Variants in NSUN2 observed in about 807,000 individuals in gnomAD.
The protein encoded by NSUN2 is RNA cytosine C(5)-methyltransferase NSUN2.
In NSUN2, 63 loss-of-function variants were observed where a neutral mutation model predicts 92.7. That is an observed-to-expected ratio of 0.68 (90% confidence interval 0.56 to 0.84). The LOEUF is 0.84. NSUN2 is among the 40% of genes least tolerant of loss of function. The pLI is 0.00. For synonymous variants in NSUN2, 356 were observed against 348.3 expected (o/e 1.02, Z -0.25); for missense variants, 989 against 964.9 (o/e 1.02, Z -0.33).
intron 12 of NSUN2, among the ~76,000 whole-genome samples, chr5:6,608,388 C>T (rs974570543): frequency 6.6e-6 from 1 of 152,214 alleles, no homozygotes; most frequent in African/African-American, 2.4e-5. Flanking sequence ...TAACTTCTAG[C>T]CAAGTGCTTA....
At chr5:6,607,064 T>G in intron 13 of NSUN2, 136 bp downstream of exon 13, 2 of 1,014,108 alleles carry the variant, frequency 2.0e-6, no homozygotes, top group Non-Finnish European at 3.0e-6. Context: ...AGTCCAGCCC[T>G]CACACTGCAT....
At chr5:6,632,541 C>T in intron 2 of NSUN2, 58 bp downstream of exon 2, 1 of 1,584,464 alleles carries the variant, frequency 6.3e-7, no homozygotes, top group Admixed American at 1.7e-5. Flanking sequence ...AACACCGTCG[C>T]CTTTAACCTC....
intron 7 of NSUN2, among the ~76,000 whole-genome samples, chr5:6,618,891 C>G (rs747421611): frequency 6.6e-6 from 1 of 152,176 alleles, no homozygotes; most frequent in Non-Finnish European, 1.5e-5. Flanking sequence ...GATGGTCTAG[C>G]CGCGTGTACA....
chr5:6,624,406 A>G (rs529621998), intron 4 of NSUN2, among the ~76,000 whole-genome samples: 3 of 152,266 alleles, frequency 2.0e-5, no homozygotes, highest in South Asian at 2.1e-4. Flanking sequence ...TCAAAAACCT[A>G]TACTAGTTCC....
rs1560975080 is a variant in NSUN2, at chr5:6,609,874, T to C, written c.1275A>G (p.Ala425=). 6.2e-7 allele frequency: 1 copy of C among 1,613,880 alleles called. No individual in the cohort carries two copies. Among genetic ancestry groups the C allele is most frequent in the Admixed American group, 1.7e-5 (1 of 59,966 alleles). The change falls in exon 12 of 19, where the codon GCA becomes GCG. Residue 425 remains alanine, a synonymous_variant. Transcript: ENST00000264670. ...HHQNTGGFFV[A]VLVKKSSMPW... ...GCATTGAAGATTTTTTCACCAATAC[T>C]GCCACAAAAAACCCTCCAGTATTCT...
intron 3 of NSUN2, among the ~76,000 whole-genome samples, chr5:6,630,200 C>G (rs903408443): frequency 2.0e-5 from 3 of 152,242 alleles, no homozygotes; most frequent in African/African-American, 7.2e-5. Context: ...TTCCACTGAT[C>G]TCACTACAGT....
chr5:6,612,885 C>T (rs1459337291), intron 9 of NSUN2, among the ~76,000 whole-genome samples: 4 of 152,224 alleles, frequency 2.6e-5, no homozygotes, highest in Non-Finnish European at 4.4e-5. Context: ...CATGTTGCCC[C>T]TTCTCCAGTA....
At chr5:6,602,947 T>C (rs372855009) in intron 17 of NSUN2, among the ~76,000 whole-genome samples, 3 of 152,374 alleles carry the variant, frequency 2.0e-5, no homozygotes, top group East Asian at 3.9e-4. Flanking sequence ...CTTTATCCTT[T>C]ACAAGAATCT....
At chr5:6,629,795 G>A (rs1406534225) in intron 3 of NSUN2, among the ~76,000 whole-genome samples, 1 of 152,170 alleles carries the variant, frequency 6.6e-6, no homozygotes, top group African/African-American at 2.4e-5. Flanking sequence ...ACAACAGTGA[G>A]TTCGTTCTCA....
chr5:6,610,271 C>T (rs970273786), intron 11 of NSUN2, among the ~76,000 whole-genome samples: 1 of 151,688 alleles, frequency 6.6e-6, no homozygotes, highest in Non-Finnish European at 1.5e-5. Context: ...GAGATGGGGT[C>T]TTGCCATGTC....
At chr5:6,619,108 C>CA (rs1370415966) in intron 7 of NSUN2, among the ~76,000 whole-genome samples, 1 of 151,740 alleles carries the variant, frequency 6.6e-6, no homozygotes, top group African/African-American at 2.4e-5. Flanking sequence ...TCTTTCTGAT[C>CA]AAAAAACAGG....
rs1055285481 is a variant in NSUN2 at position 6,632,745 on chromosome 5, T to C, written c.108A>G (p.Gly36=). The change falls in exon 2 of 19, where the codon GGA becomes GGG. Residue 36 remains glycine, a synonymous_variant. Transcript: ENST00000264670. ...GGKRGEAGWE[G]GYPEIVKENK... is the part of the protein sequence containing the mutation. ...TCTCCTTGACGATCTCGGGGTAGCC[T>C]CCTTCCCAGCCCTGAGGAAGGAAAG... 7 of 1,613,596 alleles carry C rather than the reference T, an allele frequency of 4.3e-6. No individual in the cohort carries two copies. The African/African-American group carries it at 9.4e-5, about 22-fold the overall frequency.
At chr5:6,618,331 AC>A (rs1269771710) in intron 7 of NSUN2, among the ~76,000 whole-genome samples, 1 of 152,254 alleles carries the variant, frequency 6.6e-6, no homozygotes, top group Admixed American at 6.5e-5. Context: ...TAATTTGCAG[AC>A]CTAGGACACA....
intron 17 of NSUN2, chr5:6,603,890 C>T: frequency 2.3e-6 from 1 of 427,100 alleles, no homozygotes; most frequent in Non-Finnish European, 4.2e-6. Flanking sequence ...CACAGACACA[C>T]CACAGGCTGC....
chr5:6,623,418 T>C (rs1321607484), intron 4 of NSUN2, 133 bp from the exon 5 acceptor site: 1 of 690,390 alleles, frequency 1.4e-6, no homozygotes, highest in African/African-American at 1.8e-5. Context: ...GAACTCATAC[T>C]ATCACACAGA....
intron 3 of NSUN2, among the ~76,000 whole-genome samples, chr5:6,629,736 C>T (rs971076665): frequency 1.3e-5 from 2 of 152,122 alleles, no homozygotes; most frequent in Non-Finnish European, 2.9e-5. Flanking sequence ...AAGGGCAGGA[C>T]GAGGTGGAGA....
chr5:6,620,080 G>T lies in NSUN2; in HGVS notation c.815+26C>A, dbSNP rs114619944. 3.2e-3 allele frequency: 4,902 copies of T among 1,516,982 alleles called. 137 individuals carry two copies. The African/African-American group carries it at 0.061, about 19-fold the overall frequency. The allele number at this position is 1,516,982 out of a possible 1,614,324, so 94.0% of individuals were successfully genotyped here. On this transcript the variant is annotated intron_variant, in intron 7 of 18. Transcript: ENST00000264670. The stretch of plus-strand genomic sequence containing the variant: ...TGACTTGATTTCTTTAGTGGATTTG[G>T]GCTTTTTGGCCAATAAGATAAATAC...
At chr5:6,619,696 C>T (rs140924755) in intron 7 of NSUN2, among the ~76,000 whole-genome samples, 8 of 152,290 alleles carry the variant, frequency 5.3e-5, no homozygotes, top group African/African-American at 1.7e-4. Flanking sequence ...AATGTGATTA[C>T]GTATTATTTT....
Position 6,611,077 on chromosome 5 carries a change from C to A in NSUN2, c.1104G>T (p.Thr368=), listed in dbSNP as rs1395934240. 3.7e-6 allele frequency: 6 copies of A among 1,613,994 alleles called. No homozygotes were observed. The highest frequency in any genetic ancestry group is 4.2e-6 in the Non-Finnish European group (5 of 1,180,022). ...MPGITQWKVM[T]KDGQWFTDWD... is the part of the protein sequence containing the mutation. Reference sequence around the variant, plus strand: ...AGTCTGTAAACCACTGCCCATCTTTCGTCATTACCTGCAGAACCACAGGGT... The same window carrying A: ...AGTCTGTAAACCACTGCCCATCTTTAGTCATTACCTGCAGAACCACAGGGT... The change falls in exon 11 of 19, where the codon ACG becomes ACT. Residue 368 remains threonine, a synonymous_variant. Coordinates refer to ENST00000264670, the MANE Select transcript of NSUN2 (RefSeq NM_017755.6).
Sources: gnomAD v4.1 joint callset for allele counts (sites outside exome capture counted in the v4.1 genomes callset) on GRCh38, gnomAD v4.1.1 for gene constraint, MANE v1.5 for transcripts, NCBI Gene and HGNC (gene_info 2026-07-23, HGNC 2026-07-21) for gene names.